Variants in BFSP1 observed in about 807,000 individuals in gnomAD.
BFSP1 encodes the protein beaded filament structural protein 1.
In BFSP1, 38 loss-of-function variants were observed where a neutral mutation model predicts 43.9. The observed-to-expected ratio is 0.87, with a 90% CI of 0.67 to 1.14. BFSP1 has a LOEUF of 1.14. Among genes scored for constraint, BFSP1 ranks in the 50% most tolerant of loss-of-function variants. The probability of loss-of-function intolerance (pLI) is 0.00; values close to 1 mark genes in which losing one functional copy is unlikely to be tolerated. For synonymous variants in BFSP1, 352 were observed against 354.8 expected (o/e 0.99, Z 0.09); for missense variants, 850 against 875.1 (o/e 0.97, Z 0.36).
chr20:17,564,749 C>T (rs779361020), intron 1 of BFSP1, among the ~76,000 whole-genome samples: 8 of 151,964 alleles, frequency 5.3e-5, no homozygotes, highest in African/African-American at 1.7e-4. Context: ...CTACCGCGTC[C>T]GGCTAATTTT....
intron 5 of BFSP1, among the ~76,000 whole-genome samples, chr20:17,499,329 G>A (rs1453772893): frequency 2.8e-5 from 4 of 143,884 alleles, no homozygotes; most frequent in Admixed American, 7.3e-5. Context: ...CTGCATCCTC[G>A]ACCTCCCAGG....
chr20:17,510,917 C>T (rs2034062691), intron 4 of BFSP1, among the ~76,000 whole-genome samples: 8 of 152,356 alleles, frequency 5.3e-5, no homozygotes, highest in Admixed American at 4.6e-4. Context: ...GAAGAAGGGA[C>T]ACTGTAACAT....
chr20:17,514,679 A>C (rs1001592139), intron 3 of BFSP1, 42 bp downstream of exon 3: 2 of 1,586,606 alleles, frequency 1.3e-6, no homozygotes, highest in African/African-American at 2.7e-5. Flanking sequence ...TCAAACCCAA[A>C]CTGGGTTTTC....
intron 1 of BFSP1, among the ~76,000 whole-genome samples, chr20:17,528,472 G>A (rs1224195919): frequency 2.0e-5 from 3 of 152,188 alleles, no homozygotes; most frequent in Non-Finnish European, 1.5e-5. Context: ...AAGCTGCCCC[G>A]GATGTCTGAG....
chr20:17,536,637 G>C (rs2034633027), intron 1 of BFSP1, among the ~76,000 whole-genome samples: 1 of 152,082 alleles, frequency 6.6e-6, no homozygotes, highest in South Asian at 2.1e-4. Context: ...AGTAAAATAG[G>C]CTTAGATGTT....
At chr20:17,540,230 C>A (rs932835661) in intron 1 of BFSP1, among the ~76,000 whole-genome samples, 14 of 152,026 alleles carry the variant, frequency 9.2e-5, no homozygotes, top group Non-Finnish European at 1.9e-4. Context: ...CCTGCTATTC[C>A]ACCCTCTACC....
chr20:17,558,447 T>A (rs1379547682), intron 1 of BFSP1, among the ~76,000 whole-genome samples: 2 of 152,212 alleles, frequency 1.3e-5, no homozygotes, highest in African/African-American at 4.8e-5. Flanking sequence ...GGAGCCACAC[T>A]TTATTTACCG....
Position 17,544,421 on chromosome 20 carries a change from C to T in BFSP1, c.2+14267G>A, listed in dbSNP as rs190246983. 2.2e-3 allele frequency among the ~76,000 whole-genome samples: 331 copies of T among 152,146 alleles called. 3 individuals are homozygous for T. The highest frequency in any genetic ancestry group is 0.015 in the Admixed American group (234 of 15,284). ...CATAGAGGTGAGTGCTGAGGGGGTA[C>T]GGGGGTGCAGCACAGCCACTGCTAC... On this transcript the variant is annotated intron_variant, in intron 1 of 7. Transcript: ENST00000377868.
At chr20:17,566,839 A>C (rs2035125525) in intron 1 of BFSP1, among the ~76,000 whole-genome samples, 1 of 152,080 alleles carries the variant, frequency 6.6e-6, no homozygotes, top group East Asian at 1.9e-4. Context: ...TTTTTAGTAG[A>C]GACGGGGTTT....
upstream of BFSP1, chr20:17,563,092 C>T (rs2035081628): frequency 6.6e-6 from 1 of 152,220 alleles, no homozygotes; most frequent in African/African-American, 2.4e-5. Context: ...TCACCTTACC[C>T]CATCTGTGGG....
intron 2 of BFSP1, among the ~76,000 whole-genome samples, chr20:17,516,474 GC>G (rs1460837320): frequency 6.6e-6 from 1 of 152,186 alleles, no homozygotes; most frequent in Non-Finnish European, 1.5e-5. Context: ...TGTAGCCTCT[GC>G]CTTCAATGAG....
chr20:17,525,024 G>T lies in BFSP1; in HGVS notation c.378-116C>A. 2 of 893,532 alleles carry T rather than the reference G, an allele frequency of 2.2e-6. No individual in the cohort carries two copies. The highest frequency in any genetic ancestry group is 2.5e-5 in the East Asian group (1 of 40,750). 55.4% of individuals were successfully genotyped at this position (893,532 alleles called of 1,614,324 possible). On this transcript the variant is annotated intron_variant, in intron 1 of 7. Transcript: ENST00000377873. This position sits in a 1 kb window ranked among gnomAD's most constrained non-coding sequence, Gnocchi z 4.2. ...CGATGCCCTCTCCTTTAAGGAGAGG[G>T]TCTTAATTTTAAAGTAGTAGCTAAC...
At chr20:17,497,635 T>C (rs908119737) in intron 6 of BFSP1, among the ~76,000 whole-genome samples, 3 of 143,494 alleles carry the variant, frequency 2.1e-5, no homozygotes, top group Admixed American at 7.5e-5. Context: ...CACACATATA[T>C]ACATATATAC....
intron 1 of BFSP1, among the ~76,000 whole-genome samples, chr20:17,553,399 C>A (rs2034926984): frequency 6.6e-6 from 1 of 152,092 alleles, no homozygotes; most frequent in African/African-American, 2.4e-5. Context: ...AAACAAAAAT[C>A]CTCAATGAAA....
intron 5 of BFSP1, among the ~76,000 whole-genome samples, chr20:17,501,056 G>A (rs777369653): frequency 5.9e-5 from 9 of 152,102 alleles, no homozygotes; most frequent in Non-Finnish European, 8.8e-5. Flanking sequence ...TGATGCTGCC[G>A]GTCCATGGGC....
chr20:17,502,002 G>T (rs2033815386), intron 5 of BFSP1, among the ~76,000 whole-genome samples: 1 of 152,200 alleles, frequency 6.6e-6, no homozygotes, highest in South Asian at 2.1e-4. Flanking sequence ...GAGAGGAAAA[G>T]AAATGAAGCC....
chr20:17,512,158 C>T (rs931452046), intron 3 of BFSP1, 90 bp from the exon 4 acceptor site: 15 of 986,892 alleles, frequency 1.5e-5, no homozygotes, highest in African/African-American at 7.9e-5. Context: ...TGGACACTTC[C>T]GCACGCTCCC....
intron 5 of BFSP1, among the ~76,000 whole-genome samples, chr20:17,505,490 C>T (rs990976398): frequency 2.6e-5 from 4 of 152,252 alleles, no homozygotes; most frequent in African/African-American, 7.2e-5. Flanking sequence ...GCTGCCACGG[C>T]CCTGGTGCTA....
chr20:17,504,370 C>T (rs1445195612), intron 5 of BFSP1, among the ~76,000 whole-genome samples: 1 of 152,072 alleles, frequency 6.6e-6, no homozygotes, highest in Non-Finnish European at 1.5e-5. Context: ...AGTAAGAGCT[C>T]CTGTCTCAGG....
Sources: allele counts gnomAD v4.1 joint callset (sites outside exome capture counted in the v4.1 genomes callset), GRCh38; gene constraint gnomAD v4.1.1; non-coding constraint Gnocchi (gnomAD v3.1); transcripts MANE v1.5; gene names NCBI Gene and HGNC (gene_info 2026-07-23, HGNC 2026-07-21).